Variants in MYO16 observed in about 807,000 individuals in gnomAD.
MYO16 encodes myosin XVI, also known as unconventional myosin-XVI.
Under a neutral mutation model 205.3 loss-of-function variants are expected in MYO16, and 94 were observed. The ratio of observed to expected loss-of-function variants is 0.46; its 90% CI spans 0.39 to 0.54. MYO16 has a LOEUF of 0.54. Among genes scored for constraint, MYO16 ranks in the 20% least tolerant of loss-of-function variants. MYO16 has a pLI of 0.00. For missense variants in MYO16, 2,315 were observed against 2,387.5 expected, an observed-to-expected ratio of 0.97 and a Z score of 0.63; for synonymous variants, 988 against 954.0, an observed-to-expected ratio of 1.04 and a Z score of -0.66.
At chr13:109,110,976 G>A (rs148362173) in intron 28 of MYO16, among the ~76,000 whole-genome samples, 1,640 of 152,024 alleles carry the variant, frequency 0.011, 11 homozygotes, top group South Asian at 0.016. Flanking sequence ...ATGAATGAAT[G>A]AAGGTGAATG....
At chr13:109,182,034 G>T (rs577621037) in intron 34 of MYO16, among the ~76,000 whole-genome samples, 2 of 151,954 alleles carry the variant, frequency 1.3e-5, no homozygotes, top group East Asian at 1.9e-4. Context: ...GGTCAGGCTG[G>T]TCTCAAACTC....
chr13:109,068,151 TA>T (rs34824616), intron 27 of MYO16, among the ~76,000 whole-genome samples: 12,825 of 152,186 alleles, frequency 0.084, 585 homozygotes, highest in African/African-American at 0.11. Flanking sequence ...GTGAGGTCCA[TA>T]AAAAAATTCA....
chr13:108,529,204 G>A, the MYO16 span, among the ~76,000 whole-genome samples: 4 of 151,932 alleles, frequency 2.6e-5, no homozygotes, highest in South Asian at 2.1e-4. Context: ...ATTTTCTTAC[G>A]TATTTTTTTC....
intron 1 of MYO16, among the ~76,000 whole-genome samples, chr13:108,616,973 C>T (rs1879371755): frequency 1.3e-5 from 2 of 152,114 alleles, no homozygotes; most frequent in Admixed American, 1.3e-4. Flanking sequence ...TCAAATTGCT[C>T]CAAACCATTT....
At chr13:108,582,302 CTTTGCATCTTGA>C in the MYO16 span, among the ~76,000 whole-genome samples, 1 of 152,080 alleles carries the variant, frequency 6.6e-6, no homozygotes, top group East Asian at 1.9e-4. Flanking sequence ...TTCCTCTTGA[CTTTGCATCTTGA>C]TTTGGTACAA....
At chr13:108,964,733 ACTC>A (rs1261042938) in intron 19 of MYO16, 25 bp from the exon 20 acceptor site, 2 of 1,611,012 alleles carry the variant, frequency 1.2e-6, no homozygotes, top group East Asian at 2.2e-5. Context: ...CCTTGTGCTC[ACTC>A]CTCCTTTTCT....
chr13:108,648,429 C>G (rs1273392229), intron 1 of MYO16, among the ~76,000 whole-genome samples: 1 of 152,130 alleles, frequency 6.6e-6, no homozygotes. Context: ...CAGCCAAGTG[C>G]AGAGAGGACA....
At chr13:108,851,731 C>T (rs1337833966) in intron 10 of MYO16, among the ~76,000 whole-genome samples, 1 of 152,098 alleles carries the variant, frequency 6.6e-6, no homozygotes, top group Non-Finnish European at 1.5e-5. Context: ...CCTTGGGCCA[C>T]CTTTTTCTAG....
chr13:108,793,422 C>A, intron 5 of MYO16, 94 bp from the exon 6 acceptor site: 1 of 1,212,638 alleles, frequency 8.2e-7, no homozygotes, highest in Non-Finnish European at 1.1e-6. Flanking sequence ...CAAAGAAAAA[C>A]ACATTGAAAG....
chr13:108,565,078 G>A, the MYO16 span, among the ~76,000 whole-genome samples: 3 of 152,156 alleles, frequency 2.0e-5, no homozygotes, highest in Admixed American at 6.5e-5. Flanking sequence ...TTGAAGTCAC[G>A]TAATATGATT....
intron 34 of MYO16, among the ~76,000 whole-genome samples, chr13:109,202,740 G>T (rs556475356): frequency 3.7e-4 from 57 of 152,072 alleles, no homozygotes; most frequent in Non-Finnish European, 7.1e-4. Context: ...AGCCCACATA[G>T]CCAAAGCAAG....
At chr13:108,836,561 C>T (rs1392041429) in intron 9 of MYO16, among the ~76,000 whole-genome samples, 1 of 152,160 alleles carries the variant, frequency 6.6e-6, no homozygotes, top group African/African-American at 2.4e-5. Flanking sequence ...CCTGGAAAAG[C>T]TGCAGACCCT....
At chr13:109,038,302 T>A (rs1045491825) in intron 23 of MYO16, among the ~76,000 whole-genome samples, 2 of 152,126 alleles carry the variant, frequency 1.3e-5, no homozygotes. Flanking sequence ...GTAGACTGAT[T>A]AAGCTGTTGC....
Position 108,806,844 on chromosome 13 carries a change from A to G in MYO16, c.867+40A>G, listed in dbSNP as rs549822668. Reference sequence around the variant, plus strand: ...TGAATTCTTTAAAAAATAATTTTATATAATTAATGAATAATTTCATATTCA... The same window carrying G: ...TGAATTCTTTAAAAAATAATTTTATGTAATTAATGAATAATTTCATATTCA... On this transcript the variant is annotated intron_variant, in intron 7 of 34. Coordinates refer to ENST00000457511, the MANE Select transcript of MYO16 (RefSeq NM_001198950.3). 110 of 1,316,068 alleles carry G rather than the reference A, an allele frequency of 8.4e-5. 1 individual carries two copies. In the South Asian group the frequency reaches 2.2e-3, roughly 26 times the overall value. The allele number at this position is 1,316,068 out of a possible 1,614,324, so 81.5% of individuals were successfully genotyped here. A position where few individuals can be genotyped will look rare whatever the true frequency, so the allele number is the denominator to read the frequency against.
chr13:108,675,358 A>G (rs1390244928), intron 2 of MYO16, among the ~76,000 whole-genome samples: 3 of 152,230 alleles, frequency 2.0e-5, no homozygotes, highest in Non-Finnish European at 4.4e-5. Flanking sequence ...AACAGCTGCT[A>G]GGTAATTAAA....
intron 4 of MYO16, among the ~76,000 whole-genome samples, chr13:108,777,316 G>A (rs1285097560): frequency 6.6e-6 from 1 of 152,138 alleles, no homozygotes; most frequent in African/African-American, 2.4e-5. Flanking sequence ...TGAATAGGAT[G>A]CATTTAATAT....
At chr13:108,712,589 A>C in intron 2 of MYO16, 72 bp from the exon 3 acceptor site, 1 of 1,316,934 alleles carries the variant, frequency 7.6e-7, no homozygotes, top group Non-Finnish European at 1.1e-6. Context: ...TATTAACGAA[A>C]GCCTACACAT....
At position 108,883,118 on chromosome 13, in the gene MYO16, C is replaced by G. The variant is rs1015463777; in HGVS notation, c.1485C>G (p.Leu495=). The part of the protein sequence containing the change: ...GKLCSSLPPH[L]FSCVERAFHQ... ...TGTGTTCCTCGCTGCCTCCTCACCT[C>G]TTCTCCTGTGTGGAGAGAGCCTTTC... Residue 495 remains leucine, a synonymous_variant, in exon 13 of 35, where the codon CTC becomes CTG. Coordinates refer to ENST00000457511, the MANE Select transcript of MYO16 (RefSeq NM_001198950.3). 1 of 1,614,014 alleles carries G rather than the reference C, an allele frequency of 6.2e-7. No homozygotes were observed. Among genetic ancestry groups the G allele is most frequent in the African/African-American group, 1.3e-5 (1 of 74,928 alleles).
intron 10 of MYO16, among the ~76,000 whole-genome samples, chr13:108,847,106 G>A (rs775346143): frequency 3.3e-5 from 5 of 152,270 alleles, no homozygotes; most frequent in Admixed American, 6.5e-5. Context: ...TTAGCAGATT[G>A]ATTGCTTTTT....
Sources: allele counts gnomAD v4.1 joint callset (sites outside exome capture counted in the v4.1 genomes callset), GRCh38; gene constraint gnomAD v4.1.1; transcripts MANE v1.5; gene names NCBI Gene and HGNC (gene_info 2026-07-23, HGNC 2026-07-21).